Variants in PCDHA2 observed in about 807,000 individuals in gnomAD.
PCDHA2 encodes the protein protocadherin alpha-2.
Under a neutral mutation model 66.0 loss-of-function variants are expected in PCDHA2, and 58 were observed. That is an observed-to-expected ratio of 0.88 (90% CI 0.71 to 1.09). The LOEUF (loss-of-function observed/expected upper bound fraction) is 1.09, where lower values mean the gene tolerates loss of function less well. Among genes scored for constraint, PCDHA2 ranks in the 50% least tolerant of loss-of-function variants. PCDHA2 has a pLI of 0.00. For synonymous variants in PCDHA2, 634 were observed against 554.0 expected, an observed-to-expected ratio of 1.14 and a Z score of -2.03; for missense variants, 1,267 against 1,242.3, an observed-to-expected ratio of 1.02 and a Z score of -0.30.
At chr5:140,845,739 T>A (rs1410365251) in intron 1 of PCDHA2, among the ~76,000 whole-genome samples, 1 of 149,672 alleles carries the variant, frequency 6.7e-6, no homozygotes, top group African/African-American at 2.4e-5. Context: ...TTCTACTTTA[T>A]AGATTTATTT....
chr5:140,869,610 C>T (rs782688712), intron 1 of PCDHA2: 1 of 1,613,928 alleles, frequency 6.2e-7, no homozygotes, highest in South Asian at 1.1e-5. Flanking sequence ...CTCTATTGAC[C>T]TACAGGCTAA....
At chr5:140,858,175 G>A in intron 1 of PCDHA2, 2 of 1,597,716 alleles carry the variant, frequency 1.3e-6, no homozygotes, top group Non-Finnish European at 1.7e-6. Flanking sequence ...CCAGCTTGCT[G>A]GTGCTCACGC....
At chr5:140,982,660 T>C (rs2096994626) in intron 3 of PCDHA2, 97 bp downstream of exon 3, 2 of 1,482,562 alleles carry the variant, frequency 1.3e-6, no homozygotes, top group South Asian at 2.7e-5. Context: ...CTCTTTTTCT[T>C]TTATATTTTT....
intron 3 of PCDHA2, among the ~76,000 whole-genome samples, chr5:140,995,316 A>G (rs2097676169): frequency 1.3e-5 from 2 of 152,222 alleles, no homozygotes; most frequent in South Asian, 4.1e-4. Context: ...TTCTAAGTGA[A>G]CTAACAGGTG....
At chr5:140,941,313 C>T (rs1585057947) in intron 1 of PCDHA2, among the ~76,000 whole-genome samples, 2 of 104,888 alleles carry the variant, frequency 1.9e-5, no homozygotes, top group Non-Finnish European at 4.0e-5. Context: ...TCTTTTTCTT[C>T]TTTCTCTTTT....
At position 140,849,055 on chromosome 5, in the gene PCDHA2, A is replaced by G; in HGVS notation, c.2388+51703A>G. The G allele has an allele frequency of 5.8e-6, 9 of 1,555,688 alleles. No individual in the cohort carries two copies. The Middle Eastern group carries it at 8.5e-4, about 147-fold the overall frequency. ...TTCCTGGACGTGCCAACCAGCAACC[A>G]GCAGGTAAAACCTCTTGGACTTGTA... On this transcript the variant is annotated intron_variant, in intron 1 of 3. Coordinates refer to ENST00000526136, the MANE Select transcript of PCDHA2 (RefSeq NM_018905.3).
At chr5:140,946,191 CAAAAG>C (rs2093900144) in intron 1 of PCDHA2, among the ~76,000 whole-genome samples, 1 of 151,950 alleles carries the variant, frequency 6.6e-6, no homozygotes, top group Non-Finnish European at 1.5e-5. Flanking sequence ...AGACATTTCT[CAAAAG>C]AAAGCACACA....
intron 1 of PCDHA2, among the ~76,000 whole-genome samples, chr5:140,886,288 A>T (rs1227734409): frequency 6.6e-6 from 1 of 151,870 alleles, no homozygotes; most frequent in Non-Finnish European, 1.5e-5. Flanking sequence ...AATTATTTTT[A>T]TATTTATTTA....
chr5:140,878,406 T>A (rs1198360264), intron 1 of PCDHA2, among the ~76,000 whole-genome samples: 2 of 152,254 alleles, frequency 1.3e-5, no homozygotes, highest in Non-Finnish European at 2.9e-5. Flanking sequence ...CAAAATATCT[T>A]CTTTATTTCA....
chr5:140,854,329 T>C lies in PCDHA2; in HGVS notation c.2388+56977T>C, dbSNP rs1380061038. The C allele has an allele frequency of 1.9e-5, 4 of 216,048 alleles. 1 individual carries two copies. The highest frequency in any genetic ancestry group is 3.1e-5 in the Non-Finnish European group (4 of 127,638). 13.4% of individuals were successfully genotyped at this position (216,048 alleles called of 1,614,324 possible). ...AGATGATTGATCAATGGCAAACTTA[T>C]TTTACGCTCCAGATAGCTAAAACAA... On this transcript the variant is annotated intron_variant, in intron 1 of 3. Coordinates refer to ENST00000526136, the MANE Select transcript of PCDHA2 (RefSeq NM_018905.3).
intron 1 of PCDHA2, chr5:140,875,529 G>A: frequency 1.2e-6 from 2 of 1,614,112 alleles, no homozygotes; most frequent in South Asian, 1.1e-5. Context: ...TCTCGCTTCT[G>A]CTCCTTGCAG....
intron 1 of PCDHA2, chr5:140,853,127 C>T (rs1172864205): frequency 3.4e-6 from 2 of 580,724 alleles, no homozygotes; most frequent in Non-Finnish European, 4.4e-6. Flanking sequence ...GATCCTCCCG[C>T]CTCAGCCTCC....
At chr5:140,797,941 C>T (rs1418176872) in intron 1 of PCDHA2, among the ~76,000 whole-genome samples, 1 of 152,148 alleles carries the variant, frequency 6.6e-6, no homozygotes, top group African/African-American at 2.4e-5. Flanking sequence ...TAACCTCTGC[C>T]ACCCGGGTTC....
At chr5:140,819,029 A>T (rs1307031526) in intron 1 of PCDHA2, among the ~76,000 whole-genome samples, 2 of 152,214 alleles carry the variant, frequency 1.3e-5, no homozygotes, top group Non-Finnish European at 2.9e-5. Context: ...ATTTTAGCAC[A>T]TTCCCTTATA....
At chr5:140,850,708 C>T (rs1554144815) in intron 1 of PCDHA2, 8 of 1,597,900 alleles carry the variant, frequency 5.0e-6, no homozygotes, top group Admixed American at 3.4e-5. Flanking sequence ...GGCAAGCCGA[C>T]GCTGGTGTGT....
chr5:140,840,170 C>T (rs1278225135), intron 1 of PCDHA2, among the ~76,000 whole-genome samples: 3 of 151,784 alleles, frequency 2.0e-5, no homozygotes, highest in African/African-American at 7.3e-5. Context: ...GGGATGTATA[C>T]AAATTTTAAA....
At chr5:141,007,704 C>T (rs2098341593) in intron 3 of PCDHA2, among the ~76,000 whole-genome samples, 1 of 152,200 alleles carries the variant, frequency 6.6e-6, no homozygotes, top group African/African-American at 2.4e-5. Flanking sequence ...CCTCCTCTGC[C>T]TCCCACCACC....
chr5:140,798,561 C>T (rs1762338866), intron 1 of PCDHA2, among the ~76,000 whole-genome samples: 1 of 152,116 alleles, frequency 6.6e-6, no homozygotes, highest in Non-Finnish European at 1.5e-5. Flanking sequence ...TGTGTGCAGG[C>T]CTCCCACTGC....
chr5:140,843,231 TGGACGAAGC>T lies in PCDHA2; in HGVS notation c.2388+45884_2388+45892del. 1.8e-5 allele frequency: 29 copies of T among 1,596,108 alleles called. 2 individuals carry two copies. The highest frequency in any genetic ancestry group is 2.5e-5 in the Non-Finnish European group (29 of 1,165,604). The stretch of plus-strand genomic sequence containing the variant: ...GGCGAGATCAGCACCACTCGTGTCC[TGGACGAAGC>T]GGACTCTCCGCGCCACCGTCTGCTG... On this transcript the variant is annotated intron_variant, in intron 1 of 3. Transcript: ENST00000526136.
Sources: allele counts gnomAD v4.1 joint callset (sites outside exome capture counted in the v4.1 genomes callset), GRCh38; gene constraint gnomAD v4.1.1; transcripts MANE v1.5; gene names NCBI Gene and HGNC (gene_info 2026-07-23, HGNC 2026-07-21).